RAP1B: variants seen among roughly 807,000 people sequenced by gnomAD.
RAP1B encodes the protein ras-related protein Rap-1b.
A neutral mutation model predicts 27.5 loss-of-function variants in RAP1B; 1 was observed. That is an observed-to-expected ratio of 0.04 (90% CI 0.01 to 0.17). The LOEUF is 0.17. RAP1B is among the 10% of genes least tolerant of loss of function. The pLI is 1.00. For synonymous variants in RAP1B, 75 were observed against 73.1 expected (o/e 1.03, Z -0.13); for missense variants, 84 against 214.8 (o/e 0.39, Z 3.81).
At chr12:68,626,044 C>T (rs551101681) in intron 1 of RAP1B, among the ~76,000 whole-genome samples, 1 of 152,258 alleles carries the variant, frequency 6.6e-6, no homozygotes, top group South Asian at 2.1e-4. Context: ...TGTTTCTCCT[C>T]TCATGGAAGA....
At position 68,663,799 on chromosome 12, in the gene RAP1B, TTACAATATC is replaced by T. The variant is rs1469117234; in HGVS notation, c.*4551_*4559del. 5.3e-5 allele frequency: 8 copies of T among 152,132 alleles called. No homozygotes were observed. The highest frequency in any genetic ancestry group is 4.6e-4 in the Admixed American group (7 of 15,264). The allele number at this position is 152,132 out of a possible 1,614,324, so 9.4% of individuals were successfully genotyped here. A position where few individuals can be genotyped will look rare whatever the true frequency, so the allele number is the denominator to read the frequency against. On this transcript the variant is annotated 3_prime_UTR_variant, in exon 8 of 8. Coordinates refer to ENST00000250559, the MANE Select transcript of RAP1B (RefSeq NM_001010942.3). ...TTCTCTACCGTGTTTCAGGCGCTGT[TTACAATATC>T]GGAGGTACAGCAGGGATTTTCTGCC...
At chr12:68,647,650 G>A (rs1287107351) in intron 1 of RAP1B, among the ~76,000 whole-genome samples, 2 of 151,262 alleles carry the variant, frequency 1.3e-5, no homozygotes, top group African/African-American at 2.4e-5. Flanking sequence ...GAAGTTCCAT[G>A]GTTGGCAAAC....
At chr12:68,627,063 G>C in intron 1 of RAP1B, 1 of 1,593,596 alleles carries the variant, frequency 6.3e-7, no homozygotes, top group Non-Finnish European at 8.5e-7. Context: ...CCTGCGCAGG[G>C]CCTCAATCAC....
At chr12:68,646,048 G>A (rs1313131301) in intron 1 of RAP1B, among the ~76,000 whole-genome samples, 1 of 152,154 alleles carries the variant, frequency 6.6e-6, no homozygotes, top group Non-Finnish European at 1.5e-5. Flanking sequence ...CTCATTCATG[G>A]ATAAATGAAG....
intron 1 of RAP1B, among the ~76,000 whole-genome samples, chr12:68,636,826 G>A (rs1002611294): frequency 6.6e-6 from 1 of 151,800 alleles, no homozygotes; most frequent in Non-Finnish European, 1.5e-5. Flanking sequence ...GCTAATTTTT[G>A]TATTTTTAGT....
At chr12:68,641,164 C>T (rs1872971795) in intron 1 of RAP1B, 1 of 152,260 alleles carries the variant, frequency 6.6e-6, no homozygotes, top group Admixed American at 6.5e-5. Context: ...GTGTGTGCCA[C>T]TACACTTGGC....
rs1029171925 is a variant in RAP1B, at chr12:68,654,492, C to CT, written c.324+252dup. Among the ~76,000 whole-genome samples, 400 of 144,138 alleles carry CT rather than the reference C, an allele frequency of 2.8e-3. 2 individuals are homozygous for CT. Among genetic ancestry groups the CT allele is most frequent in the Non-Finnish European group, 3.6e-3 (238 of 65,280 alleles). 94.6% of individuals were successfully genotyped at this position (144,138 alleles called of 152,430 possible). ...GTGAAAATTAAATGTTACACCCTTC[C>CT]TTTTTTTTTTTTCCTTTGAGATGGA... On this transcript the variant is annotated intron_variant, in intron 5 of 7. Coordinates refer to ENST00000250559, the MANE Select transcript of RAP1B (RefSeq NM_001010942.3).
chr12:68,637,285 C>T (rs1194076167), intron 1 of RAP1B, among the ~76,000 whole-genome samples: 2 of 151,916 alleles, frequency 1.3e-5, no homozygotes, highest in Admixed American at 6.6e-5. Flanking sequence ...TATTGTTGTC[C>T]GTATTTCACA....
chr12:68,626,591 A>G (rs1239855872), intron 1 of RAP1B, among the ~76,000 whole-genome samples: 1 of 152,144 alleles, frequency 6.6e-6, no homozygotes, highest in Non-Finnish European at 1.5e-5. Flanking sequence ...TATTTAAAGT[A>G]TTAATAATCT....
In RAP1B at chr12:68,630,162, A is replaced by G. The variant is rs73136350; in HGVS notation, c.-26-18537A>G. Among the ~76,000 whole-genome samples the G allele has an allele frequency of 7.8e-3, 1,184 of 152,290 alleles. 10 individuals are homozygous for G. The highest frequency in any genetic ancestry group is 0.037 in the Middle Eastern group (11 of 294). ...ATGACTAAGCTGAAACCCATTTGCCACCTGTGAGTTAATGGGCAAGGTCTA... is the reference window on the plus strand; with the variant it reads ...ATGACTAAGCTGAAACCCATTTGCCGCCTGTGAGTTAATGGGCAAGGTCTA... On this transcript the variant is annotated intron_variant, in intron 1 of 7. Coordinates refer to ENST00000250559, the MANE Select transcript of RAP1B (RefSeq NM_001010942.3).
chr12:68,648,836 TGA>T (rs1329744832), intron 2 of RAP1B, 55 bp downstream of exon 2: 10 of 1,484,284 alleles, frequency 6.7e-6, no homozygotes, highest in Non-Finnish European at 9.2e-6. Context: ...CTTTTTCTGT[TGA>T]GTTTTAGGTT....
At chr12:68,625,910 G>C (rs1388965639) in intron 1 of RAP1B, among the ~76,000 whole-genome samples, 5 of 149,474 alleles carry the variant, frequency 3.3e-5, no homozygotes, top group Non-Finnish European at 5.9e-5. Flanking sequence ...GATAGAGCGA[G>C]ACTCTGTCTC....
chr12:68,656,277 T>C, intron 5 of RAP1B, 29 bp from the exon 6 acceptor site: 1 of 1,564,488 alleles, frequency 6.4e-7, no homozygotes, highest in Non-Finnish European at 8.8e-7. Context: ...TTTACTTATT[T>C]ATTTTTACTC....
chr12:68,630,738 C>T (rs1287653072), intron 1 of RAP1B, among the ~76,000 whole-genome samples: 1 of 151,722 alleles, frequency 6.6e-6, no homozygotes. Flanking sequence ...AGTGAAGTGG[C>T]GCTGTCACAG....
rs1165516393 is a variant in RAP1B, at chr12:68,671,251, G to C, written c.*12002G>C. ...AGAAGAGAGGTAAAGGGCAAGAAATGAATCATTTATTGCTGATGGAAATGT... is the reference window on the plus strand; with the variant it reads ...AGAAGAGAGGTAAAGGGCAAGAAATCAATCATTTATTGCTGATGGAAATGT... On this transcript the variant is annotated 3_prime_UTR_variant, in exon 8 of 8. Coordinates refer to ENST00000250559, the MANE Select transcript of RAP1B (RefSeq NM_001010942.3). The C allele has an allele frequency of 6.6e-6, 1 of 151,984 alleles. No individual in the cohort carries two copies. The highest frequency in any genetic ancestry group is 1.5e-5 in the Non-Finnish European group (1 of 68,022). The allele number at this position is 151,984 out of a possible 1,614,324, so 9.4% of individuals were successfully genotyped here.
intron 1 of RAP1B, among the ~76,000 whole-genome samples, chr12:68,644,435 T>A (rs1251646883): frequency 1.3e-5 from 2 of 151,704 alleles, no homozygotes; most frequent in African/African-American, 4.8e-5. Context: ...ATACAAAAAA[T>A]TAGCTGGGCG....
At position 68,664,158 on chromosome 12, in the gene RAP1B, C is replaced by T. The variant is rs543924250; in HGVS notation, c.*4909C>T. 8 of 152,198 alleles carry T rather than the reference C, an allele frequency of 5.3e-5. No homozygotes were observed. The highest frequency in any genetic ancestry group is 5.2e-4 in the Admixed American group (8 of 15,288). 9.4% of individuals were successfully genotyped at this position (152,198 alleles called of 1,614,324 possible). On this transcript the variant is annotated 3_prime_UTR_variant, in exon 8 of 8. Coordinates refer to ENST00000250559, the MANE Select transcript of RAP1B (RefSeq NM_001010942.3). ...GTTTTTTCCTGAAAACAAAACAGCA[C>T]ACACATATATTACAGGATTTTTATG... is the stretch of plus-strand genomic sequence containing the variant.
rs188437103 is a variant in RAP1B, at chr12:68,636,464, G to A, written c.-26-12235G>A. Among the ~76,000 whole-genome samples, 221 of 152,238 alleles carry A rather than the reference G, an allele frequency of 1.5e-3. 2 individuals are homozygous for A. Among genetic ancestry groups the A allele is most frequent in the Middle Eastern group, 3.4e-3 (1 of 294 alleles). ...GTTTGTTTTAGAAACAAGTTCTTGCGTCACCCATGATAGAGTGCAGTAATG... is the reference window on the plus strand; with the variant it reads ...GTTTGTTTTAGAAACAAGTTCTTGCATCACCCATGATAGAGTGCAGTAATG... On this transcript the variant is annotated intron_variant, in intron 1 of 7. Transcript: ENST00000250559.
At chr12:68,635,702 G>A (rs1247226831) in intron 1 of RAP1B, among the ~76,000 whole-genome samples, 3 of 151,926 alleles carry the variant, frequency 2.0e-5, no homozygotes, top group East Asian at 1.9e-4. Flanking sequence ...CAATCCACCC[G>A]CCTCGGCCTC....
Sources: allele counts gnomAD v4.1 joint callset (sites outside exome capture counted in the v4.1 genomes callset), GRCh38; gene constraint gnomAD v4.1.1; transcripts MANE v1.5; gene names NCBI Gene and HGNC (gene_info 2026-07-23, HGNC 2026-07-21).